Variants in EXOC4 observed in about 807,000 individuals in gnomAD.
EXOC4 encodes exocyst complex component 4, also known as SEC8-like 1.
Under a neutral mutation model 107.2 loss-of-function variants are expected in EXOC4, and 71 were observed. The observed-to-expected ratio is 0.66, with a 90% CI of 0.55 to 0.81. EXOC4 has a LOEUF of 0.81. Among genes scored for constraint, EXOC4 ranks in the 30% least tolerant of loss-of-function variants. The pLI, the probability that EXOC4 is intolerant of heterozygous loss-of-function variation, is 0.00. For missense variants in EXOC4, 1,108 were observed against 1,189.6 expected, an observed-to-expected ratio of 0.93 and a Z score of 1.01; for synonymous variants, 456 against 441.2, an observed-to-expected ratio of 1.03 and a Z score of -0.42.
At chr7:133,710,669 A>AG (rs1357533697) in intron 10 of EXOC4, among the ~76,000 whole-genome samples, 1 of 151,802 alleles carries the variant, frequency 6.6e-6, no homozygotes, top group Non-Finnish European at 1.5e-5. Context: ...CAGAAAAAAA[A>AG]AAAAAAAAAG....
intron 9 of EXOC4, among the ~76,000 whole-genome samples, chr7:133,599,739 C>T (rs1404180768): frequency 1.3e-5 from 2 of 152,058 alleles, no homozygotes; most frequent in Admixed American, 1.3e-4. Flanking sequence ...CTTTTATTTA[C>T]TATTTCATTT....
intron 7 of EXOC4, among the ~76,000 whole-genome samples, chr7:133,417,815 T>A (rs1405207465): frequency 6.6e-6 from 1 of 152,104 alleles, no homozygotes; most frequent in Non-Finnish European, 1.5e-5. Context: ...TTCTTTAAAA[T>A]AAAAAACCAA....
intron 13 of EXOC4, among the ~76,000 whole-genome samples, chr7:133,921,595 G>T (rs1799938297): frequency 6.6e-6 from 1 of 151,460 alleles, no homozygotes; most frequent in South Asian, 2.1e-4. Flanking sequence ...TTTTTCCTCT[G>T]GTTTCTTTAA....
chr7:133,393,123 T>C (rs1041941212), intron 7 of EXOC4, among the ~76,000 whole-genome samples: 1 of 152,198 alleles, frequency 6.6e-6, no homozygotes, highest in African/African-American at 2.4e-5. Context: ...TCTGATATGC[T>C]CCAGTCCTCT....
At chr7:133,698,142 T>C (rs1185519790) in intron 10 of EXOC4, among the ~76,000 whole-genome samples, 1 of 152,096 alleles carries the variant, frequency 6.6e-6, no homozygotes, top group Non-Finnish European at 1.5e-5. Flanking sequence ...TTGATTTATG[T>C]GTGTGACCTT....
At chr7:133,748,618 A>C (rs940702141) in intron 10 of EXOC4, among the ~76,000 whole-genome samples, 1 of 152,202 alleles carries the variant, frequency 6.6e-6, no homozygotes, top group African/African-American at 2.4e-5. Flanking sequence ...AAGGGGAAAA[A>C]GCACAGGTGT....
At chr7:133,619,371 T>C (rs1429052227) in intron 9 of EXOC4, among the ~76,000 whole-genome samples, 1 of 152,244 alleles carries the variant, frequency 6.6e-6, no homozygotes, top group African/African-American at 2.4e-5. Context: ...GTGAAGACAA[T>C]GACAGCATTT....
At chr7:133,480,321 G>T in intron 9 of EXOC4, 183 bp downstream of exon 9, 1 of 1,424,204 alleles carries the variant, frequency 7.0e-7, no homozygotes, top group Non-Finnish European at 9.2e-7. Flanking sequence ...TATTACTGTG[G>T]CCATAGGACT....
chr7:133,552,452 G>A (rs1257951052), intron 9 of EXOC4, among the ~76,000 whole-genome samples: 1 of 152,148 alleles, frequency 6.6e-6, no homozygotes, highest in African/African-American at 2.4e-5. Flanking sequence ...TTTAACTGCA[G>A]GTGTTTTATT....
At chr7:133,947,668 G>T (rs1053299592) in intron 14 of EXOC4, among the ~76,000 whole-genome samples, 1 of 152,168 alleles carries the variant, frequency 6.6e-6, no homozygotes, top group Non-Finnish European at 1.5e-5. Flanking sequence ...CCGTAAGGAG[G>T]TGATTATCAA....
chr7:133,991,319 G>A (rs1794254362), intron 14 of EXOC4, among the ~76,000 whole-genome samples: 1 of 151,686 alleles, frequency 6.6e-6, no homozygotes, highest in Non-Finnish European at 1.5e-5. Flanking sequence ...CTATTGAGTT[G>A]TTTGAGTCCC....
chr7:133,899,425 A>C (rs1268613268), intron 12 of EXOC4, among the ~76,000 whole-genome samples: 1 of 152,230 alleles, frequency 6.6e-6, no homozygotes, highest in African/African-American at 2.4e-5. Flanking sequence ...TCTGCAAAGC[A>C]GACTGATCAT....
intron 11 of EXOC4, among the ~76,000 whole-genome samples, chr7:133,856,288 T>C (rs1217354351): frequency 6.6e-6 from 1 of 152,220 alleles, no homozygotes; most frequent in Non-Finnish European, 1.5e-5. Flanking sequence ...GCTACATAGA[T>C]TTAGGTTATT....
At chr7:133,698,364 C>G (rs1391711492) in intron 10 of EXOC4, among the ~76,000 whole-genome samples, 1 of 152,036 alleles carries the variant, frequency 6.6e-6, no homozygotes, top group Non-Finnish European at 1.5e-5. Context: ...CTTTGGGAGG[C>G]TGAGGCAGGA....
At chr7:133,448,251 A>G (rs1001545159) in intron 7 of EXOC4, among the ~76,000 whole-genome samples, 34 of 152,062 alleles carry the variant, frequency 2.2e-4, no homozygotes, top group Admixed American at 6.6e-4. Context: ...CCAGTCCTAT[A>G]TATTGTGACT....
At chr7:133,344,189 C>T (rs1462943061) in intron 5 of EXOC4, among the ~76,000 whole-genome samples, 1 of 151,780 alleles carries the variant, frequency 6.6e-6, no homozygotes, top group Non-Finnish European at 1.5e-5. Flanking sequence ...GTTTTTTGTC[C>T]ATATCTTTTC....
intron 9 of EXOC4, among the ~76,000 whole-genome samples, chr7:133,499,546 G>T (rs982198225): frequency 6.6e-6 from 1 of 151,992 alleles, no homozygotes; most frequent in African/African-American, 2.4e-5. Flanking sequence ...ATTATTTAGG[G>T]TATGTATATA....
chr7:133,996,682 G>A (rs1354858804), intron 14 of EXOC4, among the ~76,000 whole-genome samples: 3 of 152,122 alleles, frequency 2.0e-5, no homozygotes, highest in Non-Finnish European at 4.4e-5. Context: ...GAGGTGTAAA[G>A]CGTCATGGCA....
intron 10 of EXOC4, among the ~76,000 whole-genome samples, chr7:133,704,598 A>G (rs1202057782): frequency 1.3e-5 from 2 of 152,190 alleles, no homozygotes; most frequent in Non-Finnish European, 2.9e-5. Flanking sequence ...ATCCTGGGGA[A>G]CCTGTCCTTG....
Sources: gnomAD v4.1 joint callset for allele counts (sites outside exome capture counted in the v4.1 genomes callset) on GRCh38, gnomAD v4.1.1 for gene constraint, MANE v1.5 for transcripts, NCBI Gene and HGNC (gene_info 2026-07-23, HGNC 2026-07-21) for gene names.